SYNDIG1: variants seen among roughly 807,000 people sequenced by gnomAD.
SYNDIG1 encodes synapse differentiation inducing 1.
In SYNDIG1, 9 loss-of-function variants were observed where a neutral mutation model predicts 19.4. That is an observed-to-expected ratio of 0.46 (90% CI 0.28 to 0.81). The LOEUF (loss-of-function observed/expected upper bound fraction) is 0.81. Ranked by LOEUF, SYNDIG1 falls within the 30% of genes least tolerant of loss-of-function variation. The pLI is 0.12. For synonymous variants in SYNDIG1, 141 were observed against 145.9 expected (o/e 0.97, Z 0.24); for missense variants, 311 against 343.3 (o/e 0.91, Z 0.74).
intron 1 of SYNDIG1, among the ~76,000 whole-genome samples, chr20:24,534,323 T>C (rs2057319745): frequency 6.6e-6 from 1 of 152,148 alleles, no homozygotes; most frequent in Non-Finnish European, 1.5e-5. Flanking sequence ...CCCCTCCATC[T>C]GGGGCACTCA....
At chr20:24,618,183 AAG>A in intron 3 of SYNDIG1, among the ~76,000 whole-genome samples, 3 of 89,876 alleles carry the variant, frequency 3.3e-5, no homozygotes, top group Admixed American at 2.5e-4. Context: ...GACCCTGGGG[AAG>A]GGGGAGAGCC....
rs576684515 is a variant in SYNDIG1 at position 24,607,229 on chromosome 20, G to A, written c.618+22236G>A. On this transcript the variant is annotated intron_variant, in intron 3 of 3. Coordinates refer to ENST00000376862, the MANE Select transcript of SYNDIG1 (RefSeq NM_024893.3). The stretch of plus-strand genomic sequence containing the variant: ...ATAAAAATTAGCTGGGTGTGGTGGC[G>A]TGCATCTGTAATCCCAGCTACTAGT... Among the ~76,000 whole-genome samples the A allele has an allele frequency of 5.3e-5, 8 of 152,064 alleles. No individual in the cohort carries two copies. In the East Asian group the frequency reaches 7.7e-4, roughly 15 times the overall value.
intron 3 of SYNDIG1, among the ~76,000 whole-genome samples, chr20:24,622,931 TA>T (rs2059061334): frequency 6.6e-6 from 1 of 152,110 alleles, no homozygotes; most frequent in South Asian, 2.1e-4. Flanking sequence ...ATATCCTGTT[TA>T]AACCATAGAA....
Position 24,543,476 on chromosome 20 carries a change from G to A in SYNDIG1, c.379G>A (p.Glu127Lys), listed in dbSNP as rs768001570. Residue 127 changes from glutamate to lysine, a missense_variant, in exon 2 of 4, where the codon GAG becomes AAG. Glu to Lys is a moderately conservative substitution (Grantham distance 56). Transcript: ENST00000376862. ...EDRSPTKDSL[E>K]YPDGKFIDLS... ...CCGGTCGCCCACCAAAGACAGCCTC[G>A]AGTACCCGGATGGGAAGTTCATTGA... 1.1e-5 allele frequency: 18 copies of A among 1,613,186 alleles called. No individual in the cohort carries two copies. The highest frequency in any genetic ancestry group is 6.6e-5 in the South Asian group (6 of 91,052).
intron 3 of SYNDIG1, among the ~76,000 whole-genome samples, chr20:24,647,038 C>T (rs915307571): frequency 1.3e-5 from 2 of 152,148 alleles, no homozygotes; most frequent in African/African-American, 2.4e-5. Context: ...GCTAAGACAG[C>T]GACCCTCACG....
intron 3 of SYNDIG1, among the ~76,000 whole-genome samples, chr20:24,596,595 C>G (rs1420450561): frequency 1.3e-5 from 2 of 152,076 alleles, no homozygotes; most frequent in East Asian, 3.9e-4. Flanking sequence ...CCTAGGCTAG[C>G]CTCGAACTCC....
chr20:24,576,487 C>T (rs898660444), intron 2 of SYNDIG1, among the ~76,000 whole-genome samples: 2 of 152,144 alleles, frequency 1.3e-5, no homozygotes, highest in Admixed American at 6.5e-5. Context: ...GACAGTTGAT[C>T]GGGGGGCACG....
intron 3 of SYNDIG1, among the ~76,000 whole-genome samples, chr20:24,623,464 AG>A (rs1021586922): frequency 3.3e-5 from 5 of 152,234 alleles, no homozygotes; most frequent in African/African-American, 1.2e-4. Flanking sequence ...AAAGAAAAAA[AG>A]TACAGCAAAA....
intron 1 of SYNDIG1, among the ~76,000 whole-genome samples, chr20:24,524,084 GT>G (rs1174413567): frequency 2.0e-5 from 3 of 152,140 alleles, no homozygotes; most frequent in African/African-American, 7.2e-5. Context: ...TGTCATCCTT[GT>G]TTTGTTTCCT....
At chr20:24,540,200 A>G (rs966959170) in intron 1 of SYNDIG1, among the ~76,000 whole-genome samples, 1 of 152,194 alleles carries the variant, frequency 6.6e-6, no homozygotes, top group South Asian at 2.1e-4. Flanking sequence ...ATTTCTTTTC[A>G]GATTCTTCAT....
At chr20:24,665,082 C>T (rs1369831768) in intron 3 of SYNDIG1, among the ~76,000 whole-genome samples, 1 of 152,150 alleles carries the variant, frequency 6.6e-6, no homozygotes, top group African/African-American at 2.4e-5. Flanking sequence ...TACTTCCAGC[C>T]TTCTCTTATT....
chr20:24,571,674 AG>A (rs1392817492), intron 2 of SYNDIG1, among the ~76,000 whole-genome samples: 1 of 152,226 alleles, frequency 6.6e-6, no homozygotes, highest in East Asian at 1.9e-4. Context: ...AGAACAGTGA[AG>A]AAAAAAAGGA....
chr20:24,579,016 C>T (rs1027835031), intron 2 of SYNDIG1, among the ~76,000 whole-genome samples: 2 of 152,208 alleles, frequency 1.3e-5, no homozygotes, highest in African/African-American at 4.8e-5. Flanking sequence ...TATTGCAAAC[C>T]GTACATCACA....
intron 3 of SYNDIG1, among the ~76,000 whole-genome samples, chr20:24,642,297 C>T (rs1231522027): frequency 6.6e-6 from 1 of 152,124 alleles, no homozygotes; most frequent in Non-Finnish European, 1.5e-5. Flanking sequence ...CTTGGGGTCA[C>T]ATCAGGGGCA....
chr20:24,657,039 C>T (rs1400309939), intron 3 of SYNDIG1, among the ~76,000 whole-genome samples: 1 of 152,226 alleles, frequency 6.6e-6, no homozygotes, highest in Non-Finnish European at 1.5e-5. Flanking sequence ...CCTGTTTTTA[C>T]TTCCTCCATG....
At chr20:24,502,996 G>A (rs1248734152) in intron 1 of SYNDIG1, among the ~76,000 whole-genome samples, 1 of 152,224 alleles carries the variant, frequency 6.6e-6, no homozygotes, top group East Asian at 1.9e-4. Context: ...CATTCAAGAT[G>A]TCATAGCATG....
intron 3 of SYNDIG1, among the ~76,000 whole-genome samples, chr20:24,600,605 CTT>C (rs71183379): frequency 1.4e-4 from 18 of 130,726 alleles, no homozygotes; most frequent in African/African-American, 1.8e-4. Context: ...ATCTTTCTTT[CTT>C]TTTTTTTTTT....
chr20:24,638,633 G>A (rs1256492751), intron 3 of SYNDIG1, among the ~76,000 whole-genome samples: 1 of 152,098 alleles, frequency 6.6e-6, no homozygotes, highest in Non-Finnish European at 1.5e-5. Context: ...AACGGGCTGG[G>A]ATTACATGAA....
chr20:24,484,129 A>G (rs1324657293), intron 1 of SYNDIG1, among the ~76,000 whole-genome samples: 1 of 152,074 alleles, frequency 6.6e-6, no homozygotes, highest in Non-Finnish European at 1.5e-5. Context: ...ATTCAAGTGC[A>G]GTCCTGGCTA....
Sources: allele counts gnomAD v4.1 joint callset (sites outside exome capture counted in the v4.1 genomes callset), GRCh38; gene constraint gnomAD v4.1.1; transcripts MANE v1.5; gene names NCBI Gene and HGNC (gene_info 2026-07-23, HGNC 2026-07-21).